Variants in YIPF7 observed in about 807,000 individuals in gnomAD.
YIPF7 encodes the protein Yip1 domain family member 7, also known as protein YIPF7.
In YIPF7, 35 loss-of-function variants were observed where a neutral mutation model predicts 27.2. That is an observed-to-expected ratio of 1.29 (90% CI 0.98 to 1.70). The LOEUF (loss-of-function observed/expected upper bound fraction) is 1.70, where lower values mean the gene tolerates loss of function less well. YIPF7 is among the 40% of genes most tolerant of loss of function. The pLI, the probability that YIPF7 is intolerant of heterozygous loss-of-function variation, is 0.00. For missense variants in YIPF7, 358 were observed against 303.7 expected, an observed-to-expected ratio of 1.18 and a Z score of -1.33; for synonymous variants, 137 against 110.4, an observed-to-expected ratio of 1.24 and a Z score of -1.51.
At chr4:44,637,063 G>T (rs1184835059) in intron 2 of YIPF7, among the ~76,000 whole-genome samples, 1 of 151,968 alleles carries the variant, frequency 6.6e-6, no homozygotes, top group Non-Finnish European at 1.5e-5. Context: ...CATCTATATT[G>T]TTGTAAATAA....
chr4:44,647,137 T>C (rs1713555703), intron 2 of YIPF7, among the ~76,000 whole-genome samples: 1 of 152,188 alleles, frequency 6.6e-6, no homozygotes, highest in Non-Finnish European at 1.5e-5. Flanking sequence ...TAGATTTAAA[T>C]GCTAAGCATC....
chr4:44,657,398 A>T (rs1713928029), intron 2 of YIPF7, among the ~76,000 whole-genome samples: 1 of 152,224 alleles, frequency 6.6e-6, no homozygotes, highest in African/African-American at 2.4e-5. Flanking sequence ...GCATGACAAA[A>T]TAATGTTTTA....
Position 44,622,358 on chromosome 4 carries a change from T to C in YIPF7, c.*56A>G. ...ATCACCAAATTTGAATGTTAATATA[T>C]TTCCAAAATAATCTGGACAGCAAAC... is the stretch of plus-strand genomic sequence containing the variant. On this transcript the variant is annotated 3_prime_UTR_variant, in exon 6 of 6. Coordinates refer to ENST00000415895, the MANE Select transcript of YIPF7 (RefSeq NM_182592.3). The C allele has an allele frequency of 1.3e-6, 2 of 1,539,446 alleles. No homozygotes were observed. The highest frequency in any genetic ancestry group is 1.7e-6 in the Non-Finnish European group (2 of 1,143,210).
intron 2 of YIPF7, among the ~76,000 whole-genome samples, chr4:44,639,285 T>C (rs533300394): frequency 6.6e-6 from 1 of 152,184 alleles, no homozygotes; most frequent in Non-Finnish European, 1.5e-5. Flanking sequence ...CTTTGGGCCT[T>C]ATGGTCATTT....
chr4:44,654,412 C>T (rs774549122), upstream of YIPF7, among the ~76,000 whole-genome samples: 2 of 151,624 alleles, frequency 1.3e-5, no homozygotes, highest in Non-Finnish European at 2.9e-5. Flanking sequence ...CTCATAGACA[C>T]TTTCTTTTCC....
upstream of YIPF7, among the ~76,000 whole-genome samples, chr4:44,654,758 T>G (rs1713837351): frequency 6.6e-6 from 1 of 152,016 alleles, no homozygotes; most frequent in Non-Finnish European, 1.5e-5. Context: ...TTTCAACAAA[T>G]TCTATCAATT....
intron 2 of YIPF7, among the ~76,000 whole-genome samples, chr4:44,636,502 G>A (rs28525620): frequency 0.51 from 77,959 of 152,002 alleles, 21,362 homozygotes; most frequent in Non-Finnish European, 0.62. Flanking sequence ...TGATCTGCTC[G>A]CCACACACTG....
intron 2 of YIPF7, among the ~76,000 whole-genome samples, chr4:44,647,722 C>A (rs1560329245): frequency 6.6e-6 from 1 of 152,052 alleles, no homozygotes; most frequent in Non-Finnish European, 1.5e-5. Flanking sequence ...ATCTCAATAC[C>A]TTTCCCTATC....
upstream of YIPF7, among the ~76,000 whole-genome samples, chr4:44,656,368 T>C (rs529339294): frequency 3.3e-5 from 5 of 152,168 alleles, no homozygotes; most frequent in Admixed American, 1.3e-4. Flanking sequence ...TAAAAAGGAA[T>C]AAAACTTATT....
At chr4:44,652,410 C>A (rs1209345028), upstream of YIPF7, among the ~76,000 whole-genome samples, 1 of 152,182 alleles carries the variant, frequency 6.6e-6, no homozygotes, top group Non-Finnish European at 1.5e-5. Flanking sequence ...TTGCTTCATG[C>A]TGATTCTCTT....
intron 2 of YIPF7, among the ~76,000 whole-genome samples, chr4:44,646,262 T>TGG (rs1475443983): frequency 6.6e-6 from 1 of 152,240 alleles, no homozygotes; most frequent in East Asian, 1.9e-4. Flanking sequence ...TAAGACCTTA[T>TGG]CAAATAGGAT....
chr4:44,637,054 A>C (rs932223739), intron 2 of YIPF7, among the ~76,000 whole-genome samples: 2 of 152,086 alleles, frequency 1.3e-5, no homozygotes, highest in Non-Finnish European at 2.9e-5. Context: ...TTCCATTTCC[A>C]TCTATATTGT....
chr4:44,642,231 A>G (rs1257162008), intron 2 of YIPF7, among the ~76,000 whole-genome samples: 1 of 152,162 alleles, frequency 6.6e-6, no homozygotes, highest in Admixed American at 6.5e-5. Context: ...GAGAAACAAA[A>G]TTTTACAGAA....
chr4:44,640,541 G>T (rs1020249174), intron 2 of YIPF7, among the ~76,000 whole-genome samples: 1 of 152,148 alleles, frequency 6.6e-6, no homozygotes, highest in African/African-American at 2.4e-5. Context: ...TCCTTCCATG[G>T]GAAGGGTGGG....
intron 2 of YIPF7, among the ~76,000 whole-genome samples, chr4:44,644,917 A>T (rs536674849): frequency 3.3e-4 from 50 of 152,208 alleles, no homozygotes; most frequent in African/African-American, 1.2e-3. Context: ...AGTTATCATG[A>T]TATCTGGTTG....
At chr4:44,622,695 G>A in intron 5 of YIPF7, 119 bp from the exon 6 acceptor site, 1 of 1,277,678 alleles carries the variant, frequency 7.8e-7, no homozygotes, top group Non-Finnish European at 1.1e-6. Context: ...GTGGTAAAAT[G>A]AAAATGATAA....
At chr4:44,640,672 C>T (rs952263470) in intron 2 of YIPF7, among the ~76,000 whole-genome samples, 2 of 152,140 alleles carry the variant, frequency 1.3e-5, no homozygotes, top group Non-Finnish European at 2.9e-5. Flanking sequence ...ATGCTCATGG[C>T]CCATAGGAGT....
chr4:44,658,974 T>C (rs964190483), intron 2 of YIPF7, among the ~76,000 whole-genome samples: 3 of 152,142 alleles, frequency 2.0e-5, no homozygotes, highest in Admixed American at 2.0e-4. Context: ...AGCCAAACCA[T>C]ATCACTATTA....
chr4:44,649,971 T>C lies in YIPF7; in HGVS notation c.116+14A>G, dbSNP rs373683124. 15 of 1,311,158 alleles carry C rather than the reference T, an allele frequency of 1.1e-5. No individual in the cohort carries two copies. The highest frequency in any genetic ancestry group is 5.4e-5 in the Admixed American group (2 of 37,142). The allele number at this position is 1,311,158 out of a possible 1,614,324, so 81.2% of individuals were successfully genotyped here. ...TCTGTCAAAAAAAAAAAAAGAAAAA[T>C]ATTAAGTACTTACTTTCTAGATCCA... On this transcript the variant is annotated intron_variant, in intron 2 of 5. Coordinates refer to ENST00000415895, the MANE Select transcript of YIPF7 (RefSeq NM_182592.3).
Sources: gnomAD v4.1 joint callset for allele counts (sites outside exome capture counted in the v4.1 genomes callset) on GRCh38, gnomAD v4.1.1 for gene constraint, MANE v1.5 for transcripts, NCBI Gene and HGNC (gene_info 2026-07-23, HGNC 2026-07-21) for gene names.